Variants in PMP22 observed in about 807,000 individuals in gnomAD.
PMP22 encodes peripheral myelin protein 22.
PMP22 carries 2 observed loss-of-function variants against 18.9 expected under a neutral mutation model. The ratio of observed to expected loss-of-function variants is 0.11; its 90% CI spans 0.04 to 0.33. The LOEUF (loss-of-function observed/expected upper bound fraction) is 0.33, where lower values mean the gene tolerates loss of function less well. Among genes scored for constraint, PMP22 ranks in the 10% least tolerant of loss-of-function variants. The pLI is 1.00. For missense variants in PMP22, 169 were observed against 202.2 expected, an observed-to-expected ratio of 0.84 and a Z score of 1.00; for synonymous variants, 95 against 89.2, an observed-to-expected ratio of 1.07 and a Z score of -0.37.
Position 15,230,902 on chromosome 17 carries a change from G to T in PMP22, c.*15C>A. On this transcript the variant is annotated 3_prime_UTR_variant, in exon 5 of 5. Transcript: ENST00000312280. The stretch of plus-strand genomic sequence containing the variant: ...CTATGTACGCTCAGAGCCTCAGACA[G>T]ACCGTCTGGGCGCCTCATTCGCGTT... The T allele has an allele frequency of 6.2e-7, 1 of 1,613,500 alleles. No homozygotes were observed.
In PMP22 at chr17:15,231,003, C is replaced by T. The variant is rs140763467; in HGVS notation, c.397G>A (p.Gly133Ser). The T allele has an allele frequency of 5.0e-6, 8 of 1,614,030 alleles. No homozygotes were observed. The highest frequency in any genetic ancestry group is 3.3e-5 in the South Asian group (3 of 91,090). Residue 133 changes from glycine (G) to serine (S), a missense_variant, in exon 5 of 5, where the codon GGT (glycine) becomes AGT (serine). Gly to Ser is a moderately conservative substitution (Grantham distance 56, BLOSUM62 0). Transcript: ENST00000312280. ...EWHLNSDYSY[G>S]FAYILAWVAF... ...ACCCAGGCCAGGATGTAGGCGAAAC[C>T]GTAGGAGTAATCCGAGTTGAGATGC... is the stretch of plus-strand genomic sequence containing the variant.
At chr17:15,246,172 T>G (rs1195193590) in intron 3 of PMP22, among the ~76,000 whole-genome samples, 1 of 152,202 alleles carries the variant, frequency 6.6e-6, no homozygotes, top group African/African-American at 2.4e-5. Flanking sequence ...AGAGTCAGAG[T>G]GCAAATATCT....
chr17:15,249,941 A>C (rs1908177401), intron 3 of PMP22, among the ~76,000 whole-genome samples: 1 of 152,162 alleles, frequency 6.6e-6, no homozygotes, highest in South Asian at 2.1e-4. Context: ...TTTGAGACGG[A>C]GTCTCACTCT....
intron 3 of PMP22, among the ~76,000 whole-genome samples, chr17:15,251,005 A>G (rs1334306037): frequency 6.6e-6 from 1 of 151,678 alleles, no homozygotes; most frequent in Non-Finnish European, 1.5e-5. Flanking sequence ...TCTGCTTAAA[A>G]CCCTTCAATG....
At chr17:15,239,284 C>G (rs1907077987) in intron 4 of PMP22, 187 bp downstream of exon 4, 1 of 680,512 alleles carries the variant, frequency 1.5e-6, no homozygotes, top group South Asian at 1.7e-5. Flanking sequence ...TTCTAAGTCC[C>G]AAGTTCTAAG....
At chr17:15,242,073 A>G (rs954335429) in intron 3 of PMP22, among the ~76,000 whole-genome samples, 1 of 152,056 alleles carries the variant, frequency 6.6e-6, no homozygotes, top group Non-Finnish European at 1.5e-5. Context: ...CCAACATGCC[A>G]AAACCCCATC....
At chr17:15,242,694 A>G (rs116699229) in intron 3 of PMP22, among the ~76,000 whole-genome samples, 1,862 of 152,312 alleles carry the variant, frequency 0.012, 34 homozygotes, top group African/African-American at 0.042. Flanking sequence ...AGATTACATA[A>G]GAGGATTAAC....
intron 3 of PMP22, among the ~76,000 whole-genome samples, chr17:15,254,145 C>T (rs1352860660): frequency 5.3e-5 from 8 of 152,080 alleles, no homozygotes; most frequent in East Asian, 1.9e-4. Context: ...AGGTAGATTC[C>T]GATGGGCCTT....
At chr17:15,237,380 T>C (rs1303254383) in intron 4 of PMP22, among the ~76,000 whole-genome samples, 1 of 152,210 alleles carries the variant, frequency 6.6e-6, no homozygotes, top group Non-Finnish European at 1.5e-5. Flanking sequence ...TGAATGAAGA[T>C]GAAGGTACTG....
chr17:15,260,307 C>A, intron 2 of PMP22: 3 of 334,062 alleles, frequency 9.0e-6, no homozygotes, highest in East Asian at 6.5e-5. Context: ...AAAAAAAAAT[C>A]ATAAATACTC....
intron 3 of PMP22, among the ~76,000 whole-genome samples, chr17:15,244,385 T>C (rs1907607806): frequency 6.6e-6 from 1 of 152,154 alleles, no homozygotes; most frequent in Non-Finnish European, 1.5e-5. Flanking sequence ...ATATATTAGG[T>C]TGATACAAAA....
chr17:15,258,387 G>T lies in PMP22; in HGVS notation c.178+707C>A, dbSNP rs1485081814. On this transcript the variant is annotated intron_variant, in intron 3 of 4. Coordinates refer to ENST00000312280, the MANE Select transcript of PMP22 (RefSeq NM_000304.4). This position sits in a 1 kb window ranked among gnomAD's most constrained non-coding sequence, Gnocchi z 4.1. ...TGTTCCTTTCCCTCTGGGTGCCTTGGGTACCTAGTTGGTGCTTCTGCTGCC... is the reference window on the plus strand; with the variant it reads ...TGTTCCTTTCCCTCTGGGTGCCTTGTGTACCTAGTTGGTGCTTCTGCTGCC... Among the ~76,000 whole-genome samples, 1 of 152,056 alleles carries T rather than the reference G, an allele frequency of 6.6e-6. No individual in the cohort carries two copies. The highest frequency in any genetic ancestry group is 6.5e-5 in the Admixed American group (1 of 15,268).
At chr17:15,231,233 G>A (rs1008863699) in intron 4 of PMP22, among the ~76,000 whole-genome samples, 153 bp from the exon 5 acceptor site, 7 of 152,226 alleles carry the variant, frequency 4.6e-5, no homozygotes, top group Non-Finnish European at 8.8e-5. Context: ...AAAGGAGGTA[G>A]CACAAAAATA....
chr17:15,240,195 G>A (rs929595395), intron 3 of PMP22, among the ~76,000 whole-genome samples: 1 of 152,080 alleles, frequency 6.6e-6, no homozygotes, highest in Non-Finnish European at 1.5e-5. Context: ...TGCCCTCAGG[G>A]GTCTTTGAAG....
At chr17:15,249,939 G>A (rs1303098509) in intron 3 of PMP22, among the ~76,000 whole-genome samples, 3 of 152,050 alleles carry the variant, frequency 2.0e-5, no homozygotes, top group Non-Finnish European at 2.9e-5. Flanking sequence ...TTTTTGAGAC[G>A]GAGTCTCACT....
chr17:15,234,132 G>A (rs1447917983), intron 4 of PMP22, among the ~76,000 whole-genome samples: 1 of 152,156 alleles, frequency 6.6e-6, no homozygotes, highest in East Asian at 1.9e-4. Flanking sequence ...TGGGCGTAAT[G>A]CCTACGGAGG....
At chr17:15,235,317 A>G (rs760330549) in intron 4 of PMP22, 3 of 717,228 alleles carry the variant, frequency 4.2e-6, no homozygotes, top group Non-Finnish European at 7.8e-6. Flanking sequence ...TAATCATCCA[A>G]CCAATAATAG....
At chr17:15,263,488 C>T (rs914943747) in intron 1 of PMP22, among the ~76,000 whole-genome samples, 10 of 152,080 alleles carry the variant, frequency 6.6e-5, no homozygotes, top group Non-Finnish European at 1.3e-4. Context: ...ACTGAGACTC[C>T]CGTGCGCAGG....
intron 3 of PMP22, among the ~76,000 whole-genome samples, chr17:15,256,356 C>T (rs1384395354): frequency 6.6e-6 from 1 of 151,994 alleles, no homozygotes; most frequent in African/African-American, 2.4e-5. Flanking sequence ...AAAAAAATAC[C>T]AAGTCACATG....
Sources: gnomAD v4.1 joint callset for allele counts (sites outside exome capture counted in the v4.1 genomes callset) on GRCh38, gnomAD v4.1.1 for gene constraint, Gnocchi (gnomAD v3.1) non-coding constraint, MANE v1.5 for transcripts, NCBI Gene and HGNC (gene_info 2026-07-23, HGNC 2026-07-21) for gene names.